Variants in MGST1 observed in about 807,000 individuals in gnomAD.
MGST1 encodes glutathione S-transferase 12.
A neutral mutation model predicts 8.9 loss-of-function variants in MGST1; 5 were observed. The ratio of observed to expected loss-of-function variants is 0.56; its 90% CI spans 0.29 to 1.19. MGST1 has a LOEUF of 1.19. Ranked by LOEUF, MGST1 falls within the 50% of genes most tolerant of loss-of-function variation. MGST1 has a pLI of 0.08. For missense variants in MGST1, 182 were observed against 187.4 expected, an observed-to-expected ratio of 0.97 and a Z score of 0.17; for synonymous variants, 54 against 67.8, an observed-to-expected ratio of 0.80 and a Z score of 1.00.
chr12:16,495,569 T>C (rs552685514), intron 4 of MGST1, among the ~76,000 whole-genome samples: 2 of 152,106 alleles, frequency 1.3e-5, no homozygotes, highest in African/African-American at 4.8e-5. Context: ...TCTATAAGCA[T>C]GATTACCAAC....
chr12:16,380,800 T>G (rs147634653), downstream of MGST1, among the ~76,000 whole-genome samples: 2 of 151,898 alleles, frequency 1.3e-5, no homozygotes, highest in Non-Finnish European at 1.5e-5. Context: ...AGGTCACTGA[T>G]GACTTGCTTT....
At chr12:16,425,618 C>T (rs1940878623) in intron 1 of MGST1, among the ~76,000 whole-genome samples, 1 of 152,006 alleles carries the variant, frequency 6.6e-6, no homozygotes, top group African/African-American at 2.4e-5. Context: ...CTATGGGGCA[C>T]CACACCAATA....
At chr12:16,530,823 T>G (rs1941718031) in intron 4 of MGST1, among the ~76,000 whole-genome samples, 1 of 152,076 alleles carries the variant, frequency 6.6e-6, no homozygotes, top group Non-Finnish European at 1.5e-5. Context: ...GAAGGAACTT[T>G]TCCAGCACTG....
At chr12:16,375,381 T>C (rs1239477361) in intron 3 of MGST1, among the ~76,000 whole-genome samples, 2 of 152,174 alleles carry the variant, frequency 1.3e-5, no homozygotes, top group Non-Finnish European at 2.9e-5. Flanking sequence ...GAGCAGTTCC[T>C]AAACATTGAA....
intron 1 of MGST1, among the ~76,000 whole-genome samples, chr12:16,427,419 G>C (rs999675196): frequency 6.6e-6 from 1 of 152,194 alleles, no homozygotes; most frequent in African/African-American, 2.4e-5. Flanking sequence ...GTCTGGCTTT[G>C]TCACCCAGGC....
At chr12:16,471,690 A>G (rs913761634) in intron 4 of MGST1, among the ~76,000 whole-genome samples, 1 of 152,190 alleles carries the variant, frequency 6.6e-6, no homozygotes, top group Non-Finnish European at 1.5e-5. Context: ...ATCTAACATG[A>G]TCTAGCTTTA....
intron 1 of MGST1, among the ~76,000 whole-genome samples, chr12:16,431,242 C>T (rs1307758216): frequency 6.6e-6 from 1 of 152,198 alleles, no homozygotes; most frequent in Non-Finnish European, 1.5e-5. Context: ...ACCACTAAAA[C>T]TTTCTCCATA....
chr12:16,524,338 GA>G (rs930895785), intron 4 of MGST1, among the ~76,000 whole-genome samples: 110 of 148,060 alleles, frequency 7.4e-4, no homozygotes, highest in African/African-American at 2.5e-3. Flanking sequence ...TAATCAACAG[GA>G]AAAAAAAAAT....
chr12:16,385,019 G>C (rs551450802), intron 1 of MGST1, among the ~76,000 whole-genome samples: 1 of 152,198 alleles, frequency 6.6e-6, no homozygotes, highest in African/African-American at 2.4e-5. Flanking sequence ...GTGGGAAAGG[G>C]GAAATAGTAT....
chr12:16,396,244 G>C (rs927499940), intron 1 of MGST1, among the ~76,000 whole-genome samples: 3 of 152,034 alleles, frequency 2.0e-5, no homozygotes, highest in Non-Finnish European at 4.4e-5. Flanking sequence ...ATCCCTCTAT[G>C]ATTAAAACCC....
intron 1 of MGST1, among the ~76,000 whole-genome samples, chr12:16,385,421 T>C (rs2137046511): frequency 7.2e-6 from 1 of 139,812 alleles, no homozygotes; most frequent in African/African-American, 2.7e-5. Context: ...TAAAACTACA[T>C]TTGTGTGCAT....
At chr12:16,468,118 G>A (rs1941266557) in intron 4 of MGST1, among the ~76,000 whole-genome samples, 1 of 152,098 alleles carries the variant, frequency 6.6e-6, no homozygotes, top group Non-Finnish European at 1.5e-5. Flanking sequence ...TGCCCTTGAG[G>A]AAGATTCAGA....
At chr12:16,428,055 T>C (rs925031678) in intron 1 of MGST1, among the ~76,000 whole-genome samples, 1 of 151,950 alleles carries the variant, frequency 6.6e-6, no homozygotes, top group Admixed American at 6.6e-5. Flanking sequence ...TCCTAGAGTT[T>C]TGTAACCTTT....
chr12:16,452,629 A>G (rs1941138936), intron 4 of MGST1, among the ~76,000 whole-genome samples: 1 of 151,800 alleles, frequency 6.6e-6, no homozygotes, highest in Admixed American at 6.6e-5. Context: ...TATCCCATCA[A>G]TCCTCACAAC....
Position 16,401,708 on chromosome 12 carries a change from A to G in MGST1, n.778+18104A>G. On this transcript the variant is annotated intron_variant and non_coding_transcript_variant, in intron 1 of 1. Transcript: ENST00000359720. This position sits in a 1 kb window ranked among gnomAD's most constrained non-coding sequence, Gnocchi z 4.3. ...TGATAGGAGGGTAACACATTTCCAC[A>G]GTAGAAGGGTCTGCCCCAGCAAGGT... 1 of 1,602,710 alleles carries G rather than the reference A, an allele frequency of 6.2e-7. No individual in the cohort carries two copies. The highest frequency in any genetic ancestry group is 8.5e-7 in the Non-Finnish European group (1 of 1,169,636).
rs1193865282 is a variant in MGST1, at chr12:16,401,400, CAGG to C, written n.778+17799_778+17801del. On this transcript the variant is annotated intron_variant and non_coding_transcript_variant, in intron 1 of 1. Coordinates refer to the MGST1 transcript ENST00000359720. The surrounding 1 kb of genome is among the most constrained non-coding windows in gnomAD (Gnocchi z 4.3). ...ATCCTAGGTTTCTGGTAATTTTGTT[CAGG>C]AGTTCTGGCTTCTGCTTTTTAGCCA... 1.9e-6 allele frequency: 2 copies of C among 1,042,260 alleles called. No homozygotes were observed. The highest frequency in any genetic ancestry group is 1.7e-5 in the Admixed American group (1 of 58,844). 64.6% of individuals were successfully genotyped at this position (1,042,260 alleles called of 1,614,324 possible).
intron 4 of MGST1, among the ~76,000 whole-genome samples, chr12:16,515,364 T>C (rs1178631475): frequency 2.6e-5 from 4 of 152,124 alleles, no homozygotes; most frequent in Non-Finnish European, 5.9e-5. Flanking sequence ...TATTTAAAAA[T>C]AAAGAGGCCG....
chr12:16,448,187 A>G (rs547301244), intron 4 of MGST1, among the ~76,000 whole-genome samples: 2 of 151,936 alleles, frequency 1.3e-5, no homozygotes, highest in Non-Finnish European at 2.9e-5. Flanking sequence ...GAAAGAAGAA[A>G]CATAAATATT....
rs9332935 is a variant in MGST1 at position 16,361,347 on chromosome 12, C to T, written c.222-2448C>T. ...GTAATTCTGATCTGAGGGAAGGAGG[C>T]GTGGCTGTGGCCTCAAGAGCACAGA... On this transcript the variant is annotated intron_variant, in intron 3 of 3. Coordinates refer to ENST00000396210, the MANE Select transcript of MGST1 (RefSeq NM_020300.5). This position sits in a 1 kb window ranked among gnomAD's most constrained non-coding sequence, Gnocchi z 4.2. Among the ~76,000 whole-genome samples, 1,590 of 152,204 alleles carry T rather than the reference C, an allele frequency of 0.01. 25 individuals carry two copies. The highest frequency in any genetic ancestry group is 0.036 in the African/African-American group (1,501 of 41,524).
Sources: allele counts gnomAD v4.1 joint callset (sites outside exome capture counted in the v4.1 genomes callset), GRCh38; gene constraint gnomAD v4.1.1; non-coding constraint Gnocchi (gnomAD v3.1); transcripts MANE v1.5; gene names NCBI Gene and HGNC (gene_info 2026-07-23, HGNC 2026-07-21).